Variants in C9orf85 observed in about 807,000 individuals in gnomAD.
C9orf85 encodes uncharacterized protein C9orf85.
In C9orf85, 16 loss-of-function variants were observed where a neutral mutation model predicts 14.9. The observed-to-expected ratio is 1.08, with a 90% CI of 0.73 to 1.63. The LOEUF is 1.63. Ranked by LOEUF, C9orf85 falls within the 40% of genes most tolerant of loss-of-function variation. The probability of loss-of-function intolerance (pLI) is 0.00; values close to 1 mark genes in which losing one functional copy is unlikely to be tolerated. For missense variants in C9orf85, 172 were observed against 186.1 expected, an observed-to-expected ratio of 0.92 and a Z score of 0.44; for synonymous variants, 45 against 56.8, an observed-to-expected ratio of 0.79 and a Z score of 0.93.
At chr9:71,921,930 TA>T (rs943431393) in intron 1 of C9orf85, among the ~76,000 whole-genome samples, 6 of 143,428 alleles carry the variant, frequency 4.2e-5, no homozygotes, top group African/African-American at 1.6e-4. Flanking sequence ...ATTTTTTTTT[TA>T]TTATTATTAT....
chr9:71,968,873 G>A (rs1822776097), intron 2 of C9orf85, among the ~76,000 whole-genome samples: 1 of 152,124 alleles, frequency 6.6e-6, no homozygotes, highest in Non-Finnish European at 1.5e-5. Context: ...AATTCCAACT[G>A]GCTATTTTAA....
At chr9:71,978,292 T>C (rs1296961891), downstream of C9orf85, among the ~76,000 whole-genome samples, 1 of 152,122 alleles carries the variant, frequency 6.6e-6, no homozygotes, top group African/African-American at 2.4e-5. Flanking sequence ...GTATTTTTTA[T>C]GGAGACAGCG....
intron 1 of C9orf85, among the ~76,000 whole-genome samples, chr9:71,916,157 G>A (rs1291087204): frequency 6.6e-6 from 1 of 152,140 alleles, no homozygotes; most frequent in African/African-American, 2.4e-5. Context: ...AGCCCTGAGA[G>A]TATCTATAAT....
intron 1 of C9orf85, among the ~76,000 whole-genome samples, chr9:71,924,348 G>A (rs1827883624): frequency 8.8e-6 from 1 of 113,994 alleles, no homozygotes; most frequent in Non-Finnish European, 1.8e-5. Flanking sequence ...AGTTAGAAGA[G>A]TTGGAGCTAC....
chr9:71,934,879 T>A (rs535519010), intron 1 of C9orf85, among the ~76,000 whole-genome samples: 5 of 152,020 alleles, frequency 3.3e-5, no homozygotes, highest in East Asian at 1.9e-4. Context: ...CAGAAAAAAA[T>A]ATATATATGC....
intron 2 of C9orf85, among the ~76,000 whole-genome samples, chr9:71,952,382 T>C (rs769000827): frequency 5.3e-5 from 8 of 152,104 alleles, no homozygotes; most frequent in Non-Finnish European, 1.0e-4. Flanking sequence ...TTCTATTTTT[T>C]GAGACGGAGT....
At chr9:71,947,240 C>CT in intron 2 of C9orf85, 128 bp downstream of exon 2, 1 of 625,158 alleles carries the variant, frequency 1.6e-6, no homozygotes, top group Non-Finnish European at 2.6e-6. Context: ...CCATTCTCCC[C>CT]TGTAGAATTT....
intron 1 of C9orf85, among the ~76,000 whole-genome samples, chr9:71,923,776 A>C (rs1264968411): frequency 6.6e-6 from 1 of 152,154 alleles, no homozygotes; most frequent in African/African-American, 2.4e-5. Flanking sequence ...ATTACCGTAG[A>C]TGAAACTATC....
intron 2 of C9orf85, among the ~76,000 whole-genome samples, chr9:71,970,980 C>T (rs1041247802): frequency 1.3e-4 from 20 of 152,082 alleles, no homozygotes; most frequent in Non-Finnish European, 4.4e-5. Context: ...GTCTCAAACT[C>T]CTGATCTCAG....
intron 1 of C9orf85, among the ~76,000 whole-genome samples, chr9:71,937,590 A>G (rs1828221444): frequency 6.6e-6 from 1 of 152,212 alleles, no homozygotes; most frequent in Admixed American, 6.5e-5. Context: ...TATATTGAAC[A>G]AGAGGATCAT....
intron 2 of C9orf85, among the ~76,000 whole-genome samples, chr9:71,956,294 A>G (rs1822380711): frequency 8.0e-6 from 1 of 124,400 alleles, no homozygotes. Context: ...CTTGTTGCCC[A>G]GGCTGGAGTG....
intron 3 of C9orf85, among the ~76,000 whole-genome samples, chr9:71,981,204 A>T (rs1823089833): frequency 6.6e-6 from 1 of 152,180 alleles, no homozygotes; most frequent in South Asian, 2.1e-4. Flanking sequence ...TAGGGGATAG[A>T]TTAGAGACAA....
chr9:71,944,545 A>G (rs1442139182), intron 1 of C9orf85, among the ~76,000 whole-genome samples: 1 of 152,060 alleles, frequency 6.6e-6, no homozygotes, highest in Admixed American at 6.5e-5. Flanking sequence ...ATTACCTATG[A>G]TCTTCTACCA....
intron 1 of C9orf85, among the ~76,000 whole-genome samples, chr9:71,926,254 A>G (rs1457952462): frequency 1.3e-5 from 2 of 152,238 alleles, no homozygotes; most frequent in Admixed American, 6.5e-5. Context: ...TGATAGAAAT[A>G]TGCCCGATAA....
intron 1 of C9orf85, among the ~76,000 whole-genome samples, chr9:71,915,210 C>G (rs1827617817): frequency 6.8e-6 from 1 of 147,360 alleles, no homozygotes; most frequent in African/African-American, 2.5e-5. Flanking sequence ...GAGACAGAGT[C>G]TCGCTCTCTC....
At chr9:71,928,773 A>C (rs1291880085) in intron 1 of C9orf85, among the ~76,000 whole-genome samples, 1 of 152,250 alleles carries the variant, frequency 6.6e-6, no homozygotes, top group Non-Finnish European at 1.5e-5. Flanking sequence ...ACAAATTCAG[A>C]TACAGCAAAA....
chr9:71,949,649 A>G (rs1822195598), intron 2 of C9orf85, among the ~76,000 whole-genome samples: 1 of 152,146 alleles, frequency 6.6e-6, no homozygotes, highest in South Asian at 2.1e-4. Context: ...AAGCCTTCAT[A>G]AGGAAACAAA....
At chr9:71,934,965 T>C (rs1828155120) in intron 1 of C9orf85, among the ~76,000 whole-genome samples, 1 of 152,156 alleles carries the variant, frequency 6.6e-6, no homozygotes, top group South Asian at 2.1e-4. Flanking sequence ...AGGACCTAAG[T>C]AGACATTTCT....
intron 2 of C9orf85, among the ~76,000 whole-genome samples, chr9:71,961,709 TCTTA>T (rs1822529574): frequency 6.6e-6 from 1 of 152,192 alleles, no homozygotes; most frequent in South Asian, 2.1e-4. Context: ...ACAACCATGG[TCTTA>T]CTGTCTTTAA....
Sources: allele counts gnomAD v4.1 joint callset (sites outside exome capture counted in the v4.1 genomes callset), GRCh38; gene constraint gnomAD v4.1.1; transcripts MANE v1.5; gene names NCBI Gene and HGNC (gene_info 2026-07-23, HGNC 2026-07-21).